The following NUBPL variants were observed in gnomAD, a reference collection of about 807,000 sequenced individuals.
NUBPL encodes the protein iron-sulfur cluster transfer protein NUBPL.
A neutral mutation model predicts 45.7 loss-of-function variants in NUBPL; 31 were observed. That is an observed-to-expected ratio of 0.68 (90% confidence interval 0.51 to 0.92). The LOEUF is 0.92. Among genes scored for constraint, NUBPL ranks in the 40% least tolerant of loss-of-function variants. The pLI is 0.00. For synonymous variants in NUBPL, 144 were observed against 140.9 expected (o/e 1.02, Z -0.15); for missense variants, 401 against 398.7 (o/e 1.01, Z -0.05).
At chr14:31,683,352 C>CTTTTTT (rs34890900) in intron 6 of NUBPL, among the ~76,000 whole-genome samples, 33 of 91,024 alleles carry the variant, frequency 3.6e-4, no homozygotes, top group African/African-American at 7.5e-4. Context: ...ATAAAACAAT[C>CTTTTTT]TTTTTTTTTT....
At chr14:31,787,031 A>G (rs1034795034) in intron 6 of NUBPL, among the ~76,000 whole-genome samples, 4 of 152,144 alleles carry the variant, frequency 2.6e-5, no homozygotes, top group Non-Finnish European at 5.9e-5. Context: ...TGTTTGAGAG[A>G]TTTTTAGAAG....
At chr14:31,786,679 G>C (rs1270029368) in intron 6 of NUBPL, among the ~76,000 whole-genome samples, 4 of 152,170 alleles carry the variant, frequency 2.6e-5, no homozygotes, top group African/African-American at 7.2e-5. Flanking sequence ...TGAATGAACA[G>C]GTGATTAGGG....
chr14:31,604,838 A>G (rs898125458), intron 4 of NUBPL, among the ~76,000 whole-genome samples: 1 of 152,214 alleles, frequency 6.6e-6, no homozygotes, highest in African/African-American at 2.4e-5. Flanking sequence ...AGTTTATAAT[A>G]GTTTTGAGTT....
chr14:31,775,726 G>A (rs1232107618), intron 6 of NUBPL, among the ~76,000 whole-genome samples: 1 of 152,068 alleles, frequency 6.6e-6, no homozygotes, highest in Non-Finnish European at 1.5e-5. Context: ...CTATCCACAG[G>A]GCATCTCTGG....
At chr14:31,760,164 A>T (rs1284345728) in intron 6 of NUBPL, among the ~76,000 whole-genome samples, 4 of 128,762 alleles carry the variant, frequency 3.1e-5, no homozygotes, top group Admixed American at 3.0e-4. Context: ...AGAGAGAGAG[A>T]GAGAGAGAGA....
At chr14:31,666,866 G>A (rs1481291894) in intron 4 of NUBPL, among the ~76,000 whole-genome samples, 1 of 152,150 alleles carries the variant, frequency 6.6e-6, no homozygotes, top group Non-Finnish European at 1.5e-5. Context: ...CTTTAAGAAT[G>A]TTGAATGTTG....
rs942645373 is a variant in NUBPL at position 31,648,902 on chromosome 14, G to A, written c.383-24453G>A. Among the ~76,000 whole-genome samples, 5 of 152,262 alleles carry A rather than the reference G, an allele frequency of 3.3e-5. No individual in the cohort carries two copies. In the East Asian group the frequency reaches 5.8e-4, roughly 18 times the overall value. On this transcript the variant is annotated intron_variant, in intron 4 of 10. Coordinates refer to ENST00000281081, the MANE Select transcript of NUBPL (RefSeq NM_025152.3). ...TGGCTCACTGCAACCTCCGCCTCCC[G>A]GGTTCAAGCAATTCTCTTGCCTCTG...
intron 6 of NUBPL, among the ~76,000 whole-genome samples, chr14:31,745,781 T>A (rs1256845003): frequency 6.6e-6 from 1 of 151,898 alleles, no homozygotes; most frequent in Non-Finnish European, 1.5e-5. Context: ...TGTATGTTAT[T>A]TGTGCATGAG....
chr14:31,711,327 G>T (rs117745933), intron 6 of NUBPL, among the ~76,000 whole-genome samples: 1 of 152,164 alleles, frequency 6.6e-6, no homozygotes, highest in Non-Finnish European at 1.5e-5. Flanking sequence ...CCTGACACCC[G>T]TGTCTTTAGT....
In NUBPL at chr14:31,693,814, A is replaced by G. The variant is rs547936166; in HGVS notation, c.513+20240A>G. On this transcript the variant is annotated intron_variant, in intron 6 of 10. Coordinates refer to ENST00000281081, the MANE Select transcript of NUBPL (RefSeq NM_025152.3). ...TAAGACAAAATTAAAAAAAAAAAAA[A>G]AAAAAAAAACCTTTAAACATGAGGT... 1.7e-3 allele frequency among the ~76,000 whole-genome samples: 257 copies of G among 149,852 alleles called. 1 individual carries two copies. Among genetic ancestry groups the G allele is most frequent in the African/African-American group, 6.0e-3 (246 of 41,006 alleles).
rs184534347 is a variant in NUBPL at position 31,600,310 on chromosome 14, A to G, written c.382+931A>G. ...TTCAGGGTTGGGGGTGCCTGGAGCT[A>G]TCCTGGCAGCTCAGGGCACAAGGCA... is the stretch of plus-strand genomic sequence containing the variant. On this transcript the variant is annotated intron_variant, in intron 4 of 10. Transcript: ENST00000281081. 9.5e-4 allele frequency among the ~76,000 whole-genome samples: 144 copies of G among 152,238 alleles called. 4 individuals are homozygous for G. The East Asian group carries it at 0.026, about 27-fold the overall frequency.
chr14:31,744,911 C>T (rs575452910), intron 6 of NUBPL, among the ~76,000 whole-genome samples: 162 of 152,064 alleles, frequency 1.1e-3, no homozygotes, highest in Non-Finnish European at 2.0e-3. Context: ...TAAGCCACCA[C>T]GCCTAGCCAA....
chr14:31,805,669 A>AC (rs2039671352), intron 7 of NUBPL, among the ~76,000 whole-genome samples: 1 of 152,080 alleles, frequency 6.6e-6, no homozygotes, highest in African/African-American at 2.4e-5. Context: ...ATAAAAAAAC[A>AC]CCCCATGTTC....
chr14:31,801,266 A>AG (rs1214892118), intron 7 of NUBPL: 1 of 152,280 alleles, frequency 6.6e-6, no homozygotes, highest in Non-Finnish European at 1.5e-5. Flanking sequence ...GAGAGCCAGA[A>AG]GGCAAGGAAA....
At chr14:31,842,057 A>G (rs1002486953) in intron 8 of NUBPL, among the ~76,000 whole-genome samples, 5 of 147,592 alleles carry the variant, frequency 3.4e-5, no homozygotes, top group African/African-American at 1.0e-4. Flanking sequence ...CAGCCTCCTG[A>G]GTAGCTGGGA....
intron 4 of NUBPL, among the ~76,000 whole-genome samples, chr14:31,626,484 T>C (rs574807185): frequency 1.8e-4 from 27 of 152,326 alleles, no homozygotes; most frequent in African/African-American, 6.3e-4. Context: ...ATAATCTCTG[T>C]AACCTTCCTC....
At chr14:31,773,652 T>G (rs1435548068) in intron 6 of NUBPL, among the ~76,000 whole-genome samples, 1 of 152,228 alleles carries the variant, frequency 6.6e-6, no homozygotes, top group African/African-American at 2.4e-5. Flanking sequence ...CATGCTTTCA[T>G]GCTCTGGGAT....
At chr14:31,582,221 GATTA>G (rs920435033) in intron 3 of NUBPL, among the ~76,000 whole-genome samples, 3 of 151,886 alleles carry the variant, frequency 2.0e-5, no homozygotes, top group Admixed American at 6.6e-5. Flanking sequence ...TAGATAATAG[GATTA>G]ATTATGTAAA....
At chr14:31,587,484 G>A (rs562228271) in intron 3 of NUBPL, among the ~76,000 whole-genome samples, 172 of 152,296 alleles carry the variant, frequency 1.1e-3, no homozygotes, top group African/African-American at 4.0e-3. Context: ...ATTATTATGT[G>A]TTAGCTTACA....
Sources: gnomAD v4.1 joint callset for allele counts (sites outside exome capture counted in the v4.1 genomes callset) on GRCh38, gnomAD v4.1.1 for gene constraint, MANE v1.5 for transcripts, NCBI Gene and HGNC (gene_info 2026-07-23, HGNC 2026-07-21) for gene names.